The following LRRC7 variants were observed in gnomAD, a reference collection of about 807,000 sequenced individuals.
The protein encoded by LRRC7 is leucine-rich repeat-containing protein 7.
LRRC7 carries 23 observed loss-of-function variants against 175.7 expected under a neutral mutation model. The observed-to-expected ratio is 0.13, with a 90% CI of 0.09 to 0.19. The LOEUF (loss-of-function observed/expected upper bound fraction) is 0.19. Among genes scored for constraint, LRRC7 ranks in the 10% least tolerant of loss-of-function variants. LRRC7 has a pLI of 1.00. For missense variants in LRRC7, 1,354 were observed against 1,904.7 expected (o/e 0.71, Z 5.38); for synonymous variants, 685 against 680.9 (o/e 1.01, Z -0.09).
intron 1 of LRRC7, among the ~76,000 whole-genome samples, chr1:69,667,417 C>T (rs937548209): frequency 2.0e-4 from 31 of 152,208 alleles, no homozygotes; most frequent in African/African-American, 6.5e-4. Context: ...AAGTCTCCAG[C>T]TTTTATTGTG....
At chr1:69,849,285 A>G (rs1682714458) in intron 7 of LRRC7, among the ~76,000 whole-genome samples, 1 of 152,054 alleles carries the variant, frequency 6.6e-6, no homozygotes, top group Admixed American at 6.6e-5. Context: ...TAGGAGCATT[A>G]TTTAGGAAAT....
chr1:70,053,218 G>A (rs1042217677), intron 23 of LRRC7, 73 bp downstream of exon 23: 1 of 1,303,268 alleles, frequency 7.7e-7, no homozygotes, highest in Non-Finnish European at 1.0e-6. Context: ...TAAATATTTT[G>A]TGTCTTATCA....
rs564469386 is a variant in LRRC7 at position 70,135,305 on chromosome 1, G to C, written c.*13418G>C. Among the ~76,000 whole-genome samples the C allele has an allele frequency of 4.5e-4, 68 of 152,234 alleles. No homozygotes were observed. The highest frequency in any genetic ancestry group is 3.3e-4 in the Admixed American group (5 of 15,294). On this transcript the variant is annotated 3_prime_UTR_variant, in exon 27 of 27. Transcript: ENST00000651989. ...ATGATCATCTCCTCAAAGCACGGGG[G>C]CTTGTGGCTTATTCTTTTCACTTTT...
At chr1:69,914,913 C>G (rs192872809) in intron 7 of LRRC7, among the ~76,000 whole-genome samples, 2 of 152,218 alleles carry the variant, frequency 1.3e-5, no homozygotes, top group African/African-American at 4.8e-5. Flanking sequence ...TGTTTGCTGA[C>G]TCCTGGCATA....
chr1:69,624,500 G>T (rs929291929), intron 1 of LRRC7, among the ~76,000 whole-genome samples: 7 of 151,390 alleles, frequency 4.6e-5, no homozygotes, highest in Admixed American at 1.3e-4. Flanking sequence ...CGAGCAGAAG[G>T]GTTAAATTTT....
intron 2 of LRRC7, among the ~76,000 whole-genome samples, chr1:69,708,352 T>C (rs1457780548): frequency 6.6e-6 from 1 of 151,996 alleles, no homozygotes; most frequent in African/African-American, 2.4e-5. Context: ...ATCTCCCCCA[T>C]CTATTACTGA....
chr1:69,984,290 G>T (rs1269263259), intron 9 of LRRC7, among the ~76,000 whole-genome samples: 3 of 151,964 alleles, frequency 2.0e-5, no homozygotes, highest in Non-Finnish European at 4.4e-5. Flanking sequence ...ACACATTTTG[G>T]GTAGCAAAAA....
chr1:69,612,854 A>T (rs1272391471), intron 1 of LRRC7, among the ~76,000 whole-genome samples: 1 of 152,060 alleles, frequency 6.6e-6, no homozygotes, highest in African/African-American at 2.4e-5. Context: ...GATTCAAATA[A>T]CTTAACGGGG....
intron 8 of LRRC7, among the ~76,000 whole-genome samples, chr1:69,968,211 G>T (rs12036813): frequency 0.062 from 9,375 of 152,034 alleles, 284 homozygotes; most frequent in South Asian, 0.11. Flanking sequence ...GAACTTCAGA[G>T]CTCAAAGACA....
intron 7 of LRRC7, among the ~76,000 whole-genome samples, chr1:69,852,249 T>C (rs971145850): frequency 6.6e-6 from 1 of 152,160 alleles, no homozygotes; most frequent in Non-Finnish European, 1.5e-5. Context: ...AAACTACATA[T>C]ATCTTATTCA....
At chr1:69,608,854 CTCTCTCTCTCTCTATATATATATATATA>C (rs1485358402) in intron 1 of LRRC7, among the ~76,000 whole-genome samples, 43 of 34,706 alleles carry the variant, frequency 1.2e-3, no homozygotes, top group African/African-American at 6.5e-3. Context: ...CTCTCTCTCT[CTCTCTCTCTCTCTATATATATATATATA>C]TATATATATA....
Position 69,742,220 on chromosome 1 carries a change from AATT to A in LRRC7, c.101-17964_101-17962del, listed in dbSNP as rs1299019577. ...GAAGATATGAACAATCCCAGTCAAA[AATT>A]ATTATTTTACATATGAAAAACTAAA... On this transcript the variant is annotated intron_variant, in intron 2 of 26. Transcript: ENST00000651989. Among the ~76,000 whole-genome samples the A allele has an allele frequency of 3.9e-5, 6 of 152,148 alleles. 1 individual carries two copies. The highest frequency in any genetic ancestry group is 1.2e-4 in the African/African-American group (5 of 41,530).
intron 1 of LRRC7, among the ~76,000 whole-genome samples, chr1:69,594,858 C>T (rs1646775916): frequency 6.6e-6 from 1 of 152,138 alleles, no homozygotes; most frequent in South Asian, 2.1e-4. Context: ...TCCTCAGTGA[C>T]TTTGTTACCT....
At chr1:70,017,116 A>T (rs1557990255) in intron 14 of LRRC7, among the ~76,000 whole-genome samples, 1 of 152,086 alleles carries the variant, frequency 6.6e-6, no homozygotes, top group African/African-American at 2.4e-5. Context: ...TGTCTCTATT[A>T]AAAATACCAA....
At chr1:69,928,243 CG>C (rs1274364518) in intron 7 of LRRC7, among the ~76,000 whole-genome samples, 2 of 152,144 alleles carry the variant, frequency 1.3e-5, no homozygotes, top group Non-Finnish European at 2.9e-5. Flanking sequence ...TTAGGCTGCT[CG>C]GGGGTCAGGA....
chr1:69,722,040 C>T (rs1482404255), intron 2 of LRRC7, among the ~76,000 whole-genome samples: 1 of 151,868 alleles, frequency 6.6e-6, no homozygotes, highest in Non-Finnish European at 1.5e-5. Context: ...CCAACTCTAT[C>T]CCTAGCCAAT....
chr1:69,916,603 G>A (rs1288565330), intron 7 of LRRC7, among the ~76,000 whole-genome samples: 1 of 151,620 alleles, frequency 6.6e-6, no homozygotes, highest in Non-Finnish European at 1.5e-5. Flanking sequence ...CTGCCTCCTT[G>A]GCAACTATCA....
At chr1:69,963,737 C>A (rs1377086987) in intron 8 of LRRC7, among the ~76,000 whole-genome samples, 2 of 152,060 alleles carry the variant, frequency 1.3e-5, no homozygotes, top group African/African-American at 4.8e-5. Flanking sequence ...CCAAAGTTTG[C>A]GGTATAGGTG....
At chr1:69,785,690 C>T (rs1391742775) in intron 3 of LRRC7, among the ~76,000 whole-genome samples, 1 of 152,006 alleles carries the variant, frequency 6.6e-6, no homozygotes. Context: ...GAAATGTAAA[C>T]ATACCACTTT....
Sources: gnomAD v4.1 joint callset for allele counts (sites outside exome capture counted in the v4.1 genomes callset) on GRCh38, gnomAD v4.1.1 for gene constraint, MANE v1.5 for transcripts, NCBI Gene and HGNC (gene_info 2026-07-23, HGNC 2026-07-21) for gene names.